The following SLC39A10 variants were observed in gnomAD, a reference collection of about 807,000 sequenced individuals.
SLC39A10 encodes the protein solute carrier family 39 member 10, also known as zinc transporter ZIP10.
SLC39A10 carries 13 observed loss-of-function variants against 65.1 expected under a neutral mutation model. The observed-to-expected ratio is 0.20, with a 90% confidence interval of 0.13 to 0.32. The LOEUF (loss-of-function observed/expected upper bound fraction) is 0.32. SLC39A10 is among the 10% of genes least tolerant of loss of function. The pLI is 1.00. For synonymous variants in SLC39A10, 321 were observed against 342.2 expected, an observed-to-expected ratio of 0.94 and a Z score of 0.68; for missense variants, 831 against 1,018.4, an observed-to-expected ratio of 0.82 and a Z score of 2.50.
intron 2 of SLC39A10, among the ~76,000 whole-genome samples, chr2:195,635,698 A>ACCC (rs150403511): frequency 0.029 from 3,157 of 110,156 alleles, 102 homozygotes; most frequent in African/African-American, 0.067. Context: ...TTTTTGTGGA[A>ACCC]CCCCCCCCAC....
intron 2 of SLC39A10, among the ~76,000 whole-genome samples, chr2:195,624,498 C>T (rs573493126): frequency 9.2e-5 from 14 of 151,408 alleles, no homozygotes; most frequent in Non-Finnish European, 1.8e-4. Flanking sequence ...TAAAAGAAGG[C>T]CTGTTGTTTC....
Position 195,736,705 on chromosome 2 carries a change from T to TTA in SLC39A10, c.*1666_*1667dup, listed in dbSNP as rs1692620617. ...TTAATTTATGCTTGAATCTGAAAAA[T>TTA]TATTTCTGACTTACTCCATGGCCTC... On this transcript the variant is annotated 3_prime_UTR_variant, in exon 10 of 10. Coordinates refer to ENST00000359634, the MANE Select transcript of SLC39A10 (RefSeq NM_020342.3). 6.6e-6 allele frequency: 1 copy of TTA among 152,318 alleles called. No individual in the cohort carries two copies. The highest frequency in any genetic ancestry group is 2.4e-5 in the African/African-American group (1 of 41,454). 9.4% of individuals were successfully genotyped at this position (152,318 alleles called of 1,614,324 possible).
intron 2 of SLC39A10, among the ~76,000 whole-genome samples, chr2:195,637,104 G>C (rs1406651057): frequency 6.6e-6 from 1 of 152,172 alleles, no homozygotes; most frequent in African/African-American, 2.4e-5. Context: ...CACAGTTAAG[G>C]TGAATGAGAA....
chr2:195,652,377 G>A (rs1689052031), upstream of SLC39A10, among the ~76,000 whole-genome samples: 1 of 151,800 alleles, frequency 6.6e-6, no homozygotes, highest in African/African-American at 2.4e-5. Flanking sequence ...GAGAAAACCC[G>A]TCTCTCCCCC....
intron 2 of SLC39A10, among the ~76,000 whole-genome samples, chr2:195,683,143 G>C (rs1024662305): frequency 2.9e-5 from 4 of 138,432 alleles, no homozygotes; most frequent in Admixed American, 7.3e-5. Context: ...TCTTTAATCA[G>C]TTTTAAGCTT....
chr2:195,684,761 A>G (rs1419809957), intron 3 of SLC39A10, among the ~76,000 whole-genome samples: 3 of 152,084 alleles, frequency 2.0e-5, no homozygotes, highest in African/African-American at 7.2e-5. Flanking sequence ...ATAACTTCAT[A>G]ACCTTCCCTG....
intron 3 of SLC39A10, among the ~76,000 whole-genome samples, chr2:195,688,702 A>G (rs567134200): frequency 6.6e-6 from 1 of 152,320 alleles, no homozygotes; most frequent in Non-Finnish European, 1.5e-5. Flanking sequence ...TTTATCTGAA[A>G]AGGGAAATCT....
intron 1 of SLC39A10, chr2:195,674,476 C>T (rs1690001439): frequency 2.3e-6 from 1 of 439,622 alleles, no homozygotes; most frequent in Non-Finnish European, 3.0e-6. Context: ...GGGGTTTCAC[C>T]ATGTTGGTCA....
At chr2:195,692,185 T>A (rs1038143456) in intron 3 of SLC39A10, among the ~76,000 whole-genome samples, 3 of 152,230 alleles carry the variant, frequency 2.0e-5, no homozygotes, top group Non-Finnish European at 4.4e-5. Flanking sequence ...GGTTTCTCTA[T>A]TCTGTTCCAT....
chr2:195,702,090 T>A (rs1353174609), intron 3 of SLC39A10, among the ~76,000 whole-genome samples: 1 of 151,860 alleles, frequency 6.6e-6, no homozygotes, highest in Admixed American at 6.6e-5. Flanking sequence ...ATTTATTGCC[T>A]GGCTCCCAAA....
chr2:195,619,024 C>T (rs13408419), intron 2 of SLC39A10, among the ~76,000 whole-genome samples: 2 of 131,490 alleles, frequency 1.5e-5, no homozygotes, highest in African/African-American at 2.9e-5. Context: ...ACCCAGGAGG[C>T]GGAGGTTGCA....
At chr2:195,708,211 T>C (rs1346110372) in intron 4 of SLC39A10, among the ~76,000 whole-genome samples, 4 of 152,092 alleles carry the variant, frequency 2.6e-5, no homozygotes, top group Non-Finnish European at 5.9e-5. Context: ...AAAATAAAAG[T>C]TAAAAGAAAA....
In SLC39A10 at chr2:195,677,760, T is replaced by C. The variant is rs562450151; in HGVS notation, c.-11-2272T>C. ...TAGGCTTTTATCAGATTTTTTTTTT[T>C]TTTTTTTTGACCAGAGTCTGTCTCT... is the stretch of plus-strand genomic sequence containing the variant. On this transcript the variant is annotated intron_variant, in intron 1 of 9. Transcript: ENST00000359634. Among the ~76,000 whole-genome samples the C allele has an allele frequency of 1.3e-3, 196 of 150,774 alleles. 1 individual carries two copies. The highest frequency in any genetic ancestry group is 4.7e-3 in the African/African-American group (192 of 41,002).
intron 3 of SLC39A10, among the ~76,000 whole-genome samples, chr2:195,697,664 CA>C (rs761113301): frequency 6.7e-6 from 1 of 148,740 alleles, no homozygotes; most frequent in Non-Finnish European, 1.5e-5. Flanking sequence ...AAAAATTTTG[CA>C]AAGTTATGCA....
intron 2 of SLC39A10, among the ~76,000 whole-genome samples, chr2:195,619,092 C>CAA (rs66627464): frequency 4.4e-3 from 304 of 69,280 alleles, no homozygotes; most frequent in Middle Eastern, 7.5e-3. Context: ...GACTCTGTCT[C>CAA]AAAAAAAAAA....
intron 1 of SLC39A10, among the ~76,000 whole-genome samples, chr2:195,677,588 T>C (rs1354671170): frequency 6.6e-6 from 1 of 152,176 alleles, no homozygotes; most frequent in Non-Finnish European, 1.5e-5. Flanking sequence ...TTTACCTTTA[T>C]ATAAGAATTA....
intron 3 of SLC39A10, among the ~76,000 whole-genome samples, chr2:195,684,460 C>T (rs529120105): frequency 3.9e-5 from 6 of 152,132 alleles, no homozygotes; most frequent in African/African-American, 1.2e-4. Flanking sequence ...CTTTTTTCAT[C>T]GTACCCACTT....
chr2:195,648,432 C>G (rs1688968222), intron 2 of SLC39A10, among the ~76,000 whole-genome samples: 1 of 151,344 alleles, frequency 6.6e-6, no homozygotes, highest in African/African-American at 2.4e-5. Flanking sequence ...AATTCCAACA[C>G]TTTGGGAGAT....
At chr2:195,704,633 G>C (rs1175629364) in intron 3 of SLC39A10, among the ~76,000 whole-genome samples, 1 of 152,106 alleles carries the variant, frequency 6.6e-6, no homozygotes. Context: ...AAACAAACTA[G>C]CCTGGTGATC....
Sources: allele counts gnomAD v4.1 joint callset (sites outside exome capture counted in the v4.1 genomes callset), GRCh38; gene constraint gnomAD v4.1.1; transcripts MANE v1.5; gene names NCBI Gene and HGNC (gene_info 2026-07-23, HGNC 2026-07-21).